Variants in CHAC2 observed in about 807,000 individuals in gnomAD.
CHAC2 encodes ChaC glutathione specific gamma-glutamylcyclotransferase 2.
CHAC2 carries 20 observed loss-of-function variants against 16.9 expected under a neutral mutation model. The observed-to-expected ratio is 1.18, with a 90% CI of 0.83 to 1.72. CHAC2 has a LOEUF of 1.72. Ranked by LOEUF, CHAC2 falls within the 40% of genes most tolerant of loss-of-function variation. The probability of loss-of-function intolerance (pLI) is 0.00; values close to 1 mark genes in which losing one functional copy is unlikely to be tolerated. For missense variants in CHAC2, 269 were observed against 222.2 expected (o/e 1.21, Z -1.34); for synonymous variants, 91 against 77.3 (o/e 1.18, Z -0.93).
chr2:53,773,577 C>T (rs1005944033), intron 2 of CHAC2, among the ~76,000 whole-genome samples: 19 of 152,020 alleles, frequency 1.2e-4, no homozygotes, highest in African/African-American at 4.6e-4. Flanking sequence ...ATTACAAGTG[C>T]CTGCCACTGT....
In CHAC2 at chr2:53,774,428, G is replaced by C. The variant is rs763286848; in HGVS notation, c.458G>C (p.Arg153Thr). 6.2e-7 allele frequency: 1 copy of C among 1,611,548 alleles called. No homozygotes were observed. The highest frequency in any genetic ancestry group is 8.5e-7 in the Non-Finnish European group (1 of 1,179,474). Residue 153 changes from arginine to threonine, a missense_variant, in exon 3 of 3, where the codon AGG becomes ACG. Transcript: ENST00000295304. Reference protein sequence around the residue: ...EYLFELANSIRNLVPEEADEH... With the variant: ...EYLFELANSITNLVPEEADEH... ...CTTTTTGAACTTGCAAATTCTATTA[G>C]GAACCTTGTGCCAGAAGAAGCAGAT...
In CHAC2 at chr2:53,774,488, A is replaced by T; in HGVS notation, c.518A>T (p.Glu173Val). The T allele has an allele frequency of 6.3e-7, 1 of 1,579,404 alleles. No individual in the cohort carries two copies. The highest frequency in any genetic ancestry group is 8.6e-7 in the Non-Finnish European group (1 of 1,166,910). ...HLFALEKLVK[E>V]RLEGKQNLNC... ...TTCGCTTTGGAAAAATTAGTAAAGG[A>T]ACGTTTAGAAGGGAAACAGAACCTC... The change falls in exon 3 of 3, where the codon GAA becomes GTA. Residue 173 changes from glutamate to valine, a missense_variant. Physicochemically the swap from Glu to Val is moderately radical, Grantham distance 121. Coordinates refer to ENST00000295304, the MANE Select transcript of CHAC2 (RefSeq NM_001008708.4).
chr2:53,772,263 C>T (rs1314386170), intron 2 of CHAC2, among the ~76,000 whole-genome samples: 1 of 152,124 alleles, frequency 6.6e-6, no homozygotes, highest in Non-Finnish European at 1.5e-5. Flanking sequence ...CAAGCTCCGC[C>T]TCCCGGGTTC....
At position 53,768,253 on chromosome 2, in the gene CHAC2, G is replaced by A. The variant is rs143995471; in HGVS notation, c.135+232G>A. 1.3e-3 allele frequency: 626 copies of A among 486,576 alleles called. 2 individuals carry two copies. Among genetic ancestry groups the A allele is most frequent in the Admixed American group, 2.5e-3 (72 of 28,322 alleles). 30.1% of individuals were successfully genotyped at this position (486,576 alleles called of 1,614,324 possible). A position where few individuals can be genotyped will look rare whatever the true frequency, so the allele number is the denominator to read the frequency against. The stretch of plus-strand genomic sequence containing the variant: ...ATGCCGGTGGTTAGTCTCTAGAGAC[G>A]GCGAGAAGCGCGGGCACAGGCGCAC... On this transcript the variant is annotated intron_variant, in intron 1 of 2. Coordinates refer to ENST00000295304, the MANE Select transcript of CHAC2 (RefSeq NM_001008708.4).
Position 53,774,692 on chromosome 2 carries a change from A to C in CHAC2, c.*167A>C, listed in dbSNP as rs922590556. 3 of 530,034 alleles carry C rather than the reference A, an allele frequency of 5.7e-6. No individual in the cohort carries two copies. Among genetic ancestry groups the C allele is most frequent in the Non-Finnish European group, 9.3e-6 (3 of 322,552 alleles). The allele number at this position is 530,034 out of a possible 1,614,324, so 32.8% of individuals were successfully genotyped here. On this transcript the variant is annotated 3_prime_UTR_variant, in exon 3 of 3. Coordinates refer to ENST00000295304, the MANE Select transcript of CHAC2 (RefSeq NM_001008708.4). Reference sequence around the variant, plus strand: ...AAATATTGGGATACAGTGAAAGAAAAATTCAAATTTTAATAACATAAAGAT... The same window carrying C: ...AAATATTGGGATACAGTGAAAGAAACATTCAAATTTTAATAACATAAAGAT...
Position 53,774,369 on chromosome 2 carries a change from T to C in CHAC2, c.399T>C (p.Asn133=). The change falls in exon 3 of 3, where the codon AAT becomes AAC. Residue 133 remains asparagine (N), a synonymous_variant. Transcript: ENST00000295304. ...PLEDIAEQIF[N]AAGPSGRNTE... is the part of the protein sequence containing the mutation. Reference sequence around the variant, plus strand: ...AAGACATTGCTGAACAAATTTTTAATGCAGCTGGTCCAAGTGGAAGAAATA... The same window carrying C: ...AAGACATTGCTGAACAAATTTTTAACGCAGCTGGTCCAAGTGGAAGAAATA... 6.2e-7 allele frequency: 1 copy of C among 1,613,554 alleles called. No homozygotes were observed. Among genetic ancestry groups the C allele is most frequent in the South Asian group, 1.1e-5 (1 of 90,776 alleles).
At chr2:53,770,715 C>T (rs770393030) in intron 1 of CHAC2, among the ~76,000 whole-genome samples, 5 of 152,104 alleles carry the variant, frequency 3.3e-5, no homozygotes, top group Non-Finnish European at 7.4e-5. Flanking sequence ...AAAAGTGAAG[C>T]TTTCCATAAT....
chr2:53,773,075 G>C (rs1029128781), intron 2 of CHAC2, among the ~76,000 whole-genome samples: 2 of 152,064 alleles, frequency 1.3e-5, no homozygotes, highest in Non-Finnish European at 2.9e-5. Context: ...GTTAGTAATG[G>C]CAGATAAATA....
At chr2:53,773,520 AC>A (rs1294949372) in intron 2 of CHAC2, among the ~76,000 whole-genome samples, 4 of 151,724 alleles carry the variant, frequency 2.6e-5, no homozygotes, top group African/African-American at 9.7e-5. Context: ...CACCTCTGCC[AC>A]CCGGGTTCAA....
At chr2:53,771,876 A>C in intron 1 of CHAC2, 31 bp from the exon 2 acceptor site, 1 of 1,435,554 alleles carries the variant, frequency 7.0e-7, no homozygotes, top group Non-Finnish European at 9.6e-7. Context: ...TTATTAATTC[A>C]GAAAAATTTT....
intron 1 of CHAC2, 142 bp downstream of exon 1, chr2:53,768,163 A>G (rs936736434): frequency 2.0e-5 from 19 of 971,094 alleles, no homozygotes; most frequent in Non-Finnish European, 2.6e-5. Context: ...ATTTCTGTAG[A>G]TTTTCCCTGC....
rs1486303251 is a variant in CHAC2 at position 53,774,355 on chromosome 2, G to C, written c.385G>C (p.Glu129Gln). The change falls in exon 3 of 3, where the codon GAA becomes CAA. Residue 129 changes from glutamate to glutamine, a missense_variant. Glu to Gln is a conservative substitution (Grantham distance 29, BLOSUM62 2). Transcript: ENST00000295304. ...LGPAPLEDIA[E>Q]QIFNAAGPSG... ...TCCTGCACCTCTGGAAGACATTGCT[G>C]AACAAATTTTTAATGCAGCTGGTCC... 1.2e-6 allele frequency: 2 copies of C among 1,613,084 alleles called. No individual in the cohort carries two copies. The highest frequency in any genetic ancestry group is 2.7e-5 in the African/African-American group (2 of 74,880).
At chr2:53,773,920 A>C (rs551429821) in intron 2 of CHAC2, among the ~76,000 whole-genome samples, 4 of 152,032 alleles carry the variant, frequency 2.6e-5, no homozygotes, top group Admixed American at 6.5e-5. Flanking sequence ...CTGTAATCCC[A>C]GTCACTTGAG....
At chr2:53,770,814 C>T (rs1673850283) in intron 1 of CHAC2, among the ~76,000 whole-genome samples, 2 of 152,128 alleles carry the variant, frequency 1.3e-5, no homozygotes. Flanking sequence ...AAGAACTACA[C>T]GAATAGGCCA....
intron 2 of CHAC2, among the ~76,000 whole-genome samples, chr2:53,772,476 G>A (rs1325218987): frequency 1.3e-5 from 2 of 151,876 alleles, no homozygotes; most frequent in Non-Finnish European, 2.9e-5. Flanking sequence ...GCCCAGCCGT[G>A]GGATTTTTTT....
chr2:53,774,208 G>C lies in CHAC2; in HGVS notation c.238G>C (p.Asp80His), dbSNP rs771917457. ...GGAAGAAGAAGTAAAAGCATACCTTGACTTCAGAGAAAAAGGAGGCTACAG... is the reference window on the plus strand; with the variant it reads ...GGAAGAAGAAGTAAAAGCATACCTTCACTTCAGAGAAAAAGGAGGCTACAG... ...GKEEEVKAYLDFREKGGYRTT... is the reference protein window; with the variant it reads ...GKEEEVKAYLHFREKGGYRTT... The change falls in exon 3 of 3, where the codon GAC (aspartate) becomes CAC (histidine). Residue 80 changes from aspartate (D) to histidine (H), a missense_variant. Coordinates refer to ENST00000295304, the MANE Select transcript of CHAC2 (RefSeq NM_001008708.4). 1.2e-5 allele frequency: 20 copies of C among 1,613,728 alleles called. No homozygotes were observed. The highest frequency in any genetic ancestry group is 1.5e-5 in the Non-Finnish European group (18 of 1,179,876).
At chr2:53,771,342 G>A (rs1003006005) in intron 1 of CHAC2, among the ~76,000 whole-genome samples, 4 of 151,932 alleles carry the variant, frequency 2.6e-5, no homozygotes, top group Admixed American at 1.3e-4. Flanking sequence ...TGGTAAACCC[G>A]TCTCTACTAA....
At position 53,767,983 on chromosome 2, in the gene CHAC2, T is replaced by C. The variant is rs201804249; in HGVS notation, c.97T>C (p.Trp33Arg). 3.8e-4 allele frequency: 607 copies of C among 1,613,788 alleles called. No homozygotes were observed. The highest frequency in any genetic ancestry group is 4.6e-4 in the Non-Finnish European group (547 of 1,179,862). Residue 33 changes from tryptophan (W) to arginine (R), a missense_variant, in exon 1 of 3, where the codon TGG becomes CGG. By Grantham distance (101) the Trp-to-Arg change is moderately radical (BLOSUM62 -3). Coordinates refer to ENST00000295304, the MANE Select transcript of CHAC2 (RefSeq NM_001008708.4). ...GYITNYSRRF[W>R]QGSTDHRGVP... ...CATCACCAACTACAGCAGGCGCTTC[T>C]GGCAGGGCAGCACGGACCACCGCGG...
Position 53,767,828 on chromosome 2 carries a change from C to G in CHAC2, c.-59C>G. On this transcript the variant is annotated 5_prime_UTR_variant, in exon 1 of 3. Coordinates refer to ENST00000295304, the MANE Select transcript of CHAC2 (RefSeq NM_001008708.4). ...TACTCGCTTACCGGAGGCTTCAGTCCCCGGCGGCGCGGCGACAGCTAGGGT... is the reference window on the plus strand; with the variant it reads ...TACTCGCTTACCGGAGGCTTCAGTCGCCGGCGGCGCGGCGACAGCTAGGGT... The G allele has an allele frequency of 6.4e-7, 1 of 1,551,712 alleles. No homozygotes were observed.
Sources: allele counts gnomAD v4.1 joint callset (sites outside exome capture counted in the v4.1 genomes callset), GRCh38; gene constraint gnomAD v4.1.1; transcripts MANE v1.5; gene names NCBI Gene and HGNC (gene_info 2026-07-23, HGNC 2026-07-21).